Variants in TAC1 observed in about 807,000 individuals in gnomAD.
TAC1 encodes the protein protachykinin-1.
Under a neutral mutation model 21.7 loss-of-function variants are expected in TAC1, and 12 were observed. The observed-to-expected ratio is 0.55, with a 90% CI of 0.35 to 0.89. The LOEUF (loss-of-function observed/expected upper bound fraction) is 0.89, where lower values mean the gene tolerates loss of function less well. Ranked by LOEUF, TAC1 falls within the 40% of genes least tolerant of loss-of-function variation. The pLI is 0.01. For synonymous variants in TAC1, 52 were observed against 52.0 expected (o/e 1.00, Z 0.00); for missense variants, 128 against 151.4 (o/e 0.85, Z 0.81).
At position 97,740,048 on chromosome 7, in the gene TAC1, G is replaced by C. The variant is rs745780099; in HGVS notation, c.*128G>C. 11 of 657,342 alleles carry C rather than the reference G, an allele frequency of 1.7e-5. No homozygotes were observed. Among genetic ancestry groups the C allele is most frequent in the Non-Finnish European group, 2.2e-5 (9 of 416,304 alleles). 40.7% of individuals were successfully genotyped at this position (657,342 alleles called of 1,614,324 possible). On this transcript the variant is annotated 3_prime_UTR_variant, in exon 7 of 7. Coordinates refer to ENST00000319273, the MANE Select transcript of TAC1 (RefSeq NM_003182.3). ...TTGTTTGGGGTTGAAAATTCAAAAA[G>C]TGTTTATTTTTCATATTGTGCCAAT...
At chr7:97,734,220 T>C (rs375498752) in intron 3 of TAC1, 28 bp from the exon 4 acceptor site, 65 of 1,610,602 alleles carry the variant, frequency 4.0e-5, no homozygotes, top group Non-Finnish European at 5.0e-5. Flanking sequence ...GTGGAACATG[T>C]AGTTAATGAC....
In TAC1 at chr7:97,740,070, C is replaced by A; in HGVS notation, c.*150C>A. 3.7e-6 allele frequency: 2 copies of A among 545,278 alleles called. No homozygotes were observed. The highest frequency in any genetic ancestry group is 6.3e-6 in the Non-Finnish European group (2 of 318,180). 33.8% of individuals were successfully genotyped at this position (545,278 alleles called of 1,614,324 possible). On this transcript the variant is annotated 3_prime_UTR_variant, in exon 7 of 7. Coordinates refer to ENST00000319273, the MANE Select transcript of TAC1 (RefSeq NM_003182.3). ...AAAGTGTTTATTTTTCATATTGTGC[C>A]AATATGTATTGTAAACATGTGTTTT...
chr7:97,735,284 G>A (rs1282943375), intron 5 of TAC1, among the ~76,000 whole-genome samples: 1 of 152,084 alleles, frequency 6.6e-6, no homozygotes, highest in Non-Finnish European at 1.5e-5. Flanking sequence ...ATTTATTAGG[G>A]TCATCCAGCA....
intron 6 of TAC1, among the ~76,000 whole-genome samples, chr7:97,738,368 C>T (rs534250843): frequency 1.3e-5 from 2 of 151,970 alleles, no homozygotes; most frequent in East Asian, 1.9e-4. Context: ...AGGTAAGAAA[C>T]TCTGCTTCCA....
At position 97,733,834 on chromosome 7, in the gene TAC1, C is replaced by CGTG. The variant is rs1562784147; in HGVS notation, c.220+17_220+18insGGT. ...ACGGGATGCTGGTGAGATAGGCGAC[C>CGTG]GTCCCTAGGTGTCTTGGGCAGCCCG... On this transcript the variant is annotated intron_variant, in intron 3 of 6. Coordinates refer to ENST00000319273, the MANE Select transcript of TAC1 (RefSeq NM_003182.3). 6.2e-7 allele frequency: 1 copy of CGTG among 1,613,460 alleles called. No homozygotes were observed. The highest frequency in any genetic ancestry group is 8.5e-7 in the Non-Finnish European group (1 of 1,179,414).
intron 6 of TAC1, 102 bp from the exon 7 acceptor site, chr7:97,739,767 AATGTC>A (rs1249277049): frequency 4.2e-5 from 28 of 671,594 alleles, no homozygotes; most frequent in Non-Finnish European, 6.4e-5. Context: ...GTAGAGGGAA[AATGTC>A]ATTATGAGTT....
chr7:97,735,157 C>T (rs1180796277), intron 5 of TAC1, among the ~76,000 whole-genome samples: 2 of 152,048 alleles, frequency 1.3e-5, no homozygotes, highest in Non-Finnish European at 2.9e-5. Context: ...TTCCCAGCCA[C>T]CCACCCCCTA....
chr7:97,733,524 T>C (rs1789482717), intron 2 of TAC1, among the ~76,000 whole-genome samples, 199 bp from the exon 3 acceptor site: 1 of 151,924 alleles, frequency 6.6e-6, no homozygotes, highest in African/African-American at 2.4e-5. Flanking sequence ...CTGGCAGGCT[T>C]GCGGGGGGCG....
At chr7:97,738,648 G>A (rs912997291) in intron 6 of TAC1, among the ~76,000 whole-genome samples, 9 of 151,862 alleles carry the variant, frequency 5.9e-5, no homozygotes, top group South Asian at 2.1e-4. Flanking sequence ...ATTGTTAACC[G>A]CACTTAAAGG....
At chr7:97,733,910 T>G (rs1260588979) in intron 3 of TAC1, 91 bp downstream of exon 3, 9 of 1,291,952 alleles carry the variant, frequency 7.0e-6, no homozygotes, top group Middle Eastern at 1.8e-4. Context: ...TCGCTCTGAA[T>G]AGAGATTTCC....
rs986484785 is a variant in TAC1, at chr7:97,732,554, T to C, written c.-9-50T>C. 5 of 1,606,990 alleles carry C rather than the reference T, an allele frequency of 3.1e-6. No individual in the cohort carries two copies. The highest frequency in any genetic ancestry group is 1.3e-5 in the African/African-American group (1 of 74,696). On this transcript the variant is annotated intron_variant, in intron 1 of 6. Transcript: ENST00000319273. The surrounding 1 kb of genome is among the most constrained non-coding windows in gnomAD (Gnocchi z 6.2). ...TTAACTCTTGGATAACCACCCCTAA[T>C]AGATACATTATTTCTCTCTTTGGTG...
chr7:97,733,987 C>A, intron 3 of TAC1, 168 bp downstream of exon 3: 2 of 722,004 alleles, frequency 2.8e-6, no homozygotes, highest in Non-Finnish European at 2.3e-6. Flanking sequence ...ACGCACGGGC[C>A]CGCGGGGGGA....
rs1287583064 is a variant in TAC1 at position 97,732,568 on chromosome 7, C to T, written c.-9-36C>T. ...ACCACCCCTAATAGATACATTATTT[C>T]TCTCTTTGGTGTCTTCTCCTCCTAC... On this transcript the variant is annotated intron_variant, in intron 1 of 6. Transcript: ENST00000319273. The surrounding 1 kb of genome is among the most constrained non-coding windows in gnomAD (Gnocchi z 6.2). 6.2e-7 allele frequency: 1 copy of T among 1,611,874 alleles called. No homozygotes were observed. Among genetic ancestry groups the T allele is most frequent in the Admixed American group, 1.7e-5 (1 of 59,832 alleles).
At chr7:97,737,334 A>G (rs1789597137) in intron 6 of TAC1, among the ~76,000 whole-genome samples, 1 of 151,904 alleles carries the variant, frequency 6.6e-6, no homozygotes, top group African/African-American at 2.4e-5. Context: ...CAGTTTCTAG[A>G]CAATCTATAA....
rs895533000 is a variant in TAC1, at chr7:97,732,202, GC to G, written c.-10+10del. On this transcript the variant is annotated splice_region_variant and intron_variant, in intron 1 of 6. Transcript: ENST00000319273. This position sits in a 1 kb window ranked among gnomAD's most constrained non-coding sequence, Gnocchi z 6.2. Reference sequence around the variant, plus strand: ...CGCGGGACTGTCCGTCGCAGTAAGTGCCCGCGCGGTGCTGGCCGCGGCTGCC... The same window carrying G: ...CGCGGGACTGTCCGTCGCAGTAAGTGCCGCGCGGTGCTGGCCGCGGCTGCC... The G allele has an allele frequency of 6.3e-6, 1 of 158,080 alleles. No individual in the cohort carries two copies. The highest frequency in any genetic ancestry group is 2.4e-5 in the African/African-American group (1 of 41,532). The allele number at this position is 158,080 out of a possible 1,614,324, so 9.8% of individuals were successfully genotyped here.
In TAC1 at chr7:97,732,555, A is replaced by C. The variant is rs1199667337; in HGVS notation, c.-9-49A>C. The C allele has an allele frequency of 1.9e-6, 3 of 1,607,530 alleles. No individual in the cohort carries two copies. The highest frequency in any genetic ancestry group is 2.5e-6 in the Non-Finnish European group (3 of 1,176,616). ...TAACTCTTGGATAACCACCCCTAAT[A>C]GATACATTATTTCTCTCTTTGGTGT... On this transcript the variant is annotated intron_variant, in intron 1 of 6. Transcript: ENST00000319273. This position sits in a 1 kb window ranked among gnomAD's most constrained non-coding sequence, Gnocchi z 6.2.
At chr7:97,738,991 T>C (rs1562785759) in intron 6 of TAC1, among the ~76,000 whole-genome samples, 1 of 148,250 alleles carries the variant, frequency 6.7e-6, no homozygotes, top group Non-Finnish European at 1.5e-5. Context: ...TGAAATTATA[T>C]ATAATAAATA....
chr7:97,738,443 A>T (rs960182621), intron 6 of TAC1, among the ~76,000 whole-genome samples: 1 of 152,002 alleles, frequency 6.6e-6, no homozygotes, highest in African/African-American at 2.4e-5. Context: ...ATTAGCTTTC[A>T]TCTAATTTCT....
intron 6 of TAC1, among the ~76,000 whole-genome samples, chr7:97,737,902 A>G (rs1341147366): frequency 6.6e-6 from 1 of 152,020 alleles, no homozygotes; most frequent in Non-Finnish European, 1.5e-5. Context: ...CTTGATAATC[A>G]TATTAGTCAT....
Sources: allele counts gnomAD v4.1 joint callset (sites outside exome capture counted in the v4.1 genomes callset), GRCh38; gene constraint gnomAD v4.1.1; non-coding constraint Gnocchi (gnomAD v3.1); transcripts MANE v1.5; gene names NCBI Gene and HGNC (gene_info 2026-07-23, HGNC 2026-07-21).